Variants in IP6K1 observed in about 807,000 individuals in gnomAD.
IP6K1 encodes inositol hexakisphosphate kinase 1, also known as ATP:1D-myo-inositol-hexakisphosphate phosphotransferase.
Under a neutral mutation model 38.3 loss-of-function variants are expected in IP6K1, and 13 were observed. That is an observed-to-expected ratio of 0.34 (90% CI 0.22 to 0.54). IP6K1 has a LOEUF of 0.54. IP6K1 is among the 20% of genes least tolerant of loss of function. IP6K1 has a pLI of 0.92. For missense variants in IP6K1, 397 were observed against 599.8 expected (o/e 0.66, Z 3.53); for synonymous variants, 212 against 229.9 (o/e 0.92, Z 0.70).
chr3:49,744,718 T>C (rs147870906), intron 2 of IP6K1, among the ~76,000 whole-genome samples: 80 of 152,306 alleles, frequency 5.3e-4, no homozygotes, highest in Non-Finnish European at 9.8e-4. Context: ...ACTCAGGATT[T>C]GGTTACTAGA....
Position 49,748,077 on chromosome 3 carries a change from T to A in IP6K1, c.-37A>T, listed in dbSNP as rs765794820. ...CCAGTTGCACACTGAGGGCAGAGGA[T>A]GCAGCACATGGGCCACAAAAGGAGA... is the stretch of plus-strand genomic sequence containing the variant. On this transcript the variant is annotated 5_prime_UTR_variant, in exon 2 of 6. Transcript: ENST00000321599. The A allele has an allele frequency of 1.2e-6, 2 of 1,610,304 alleles. No individual in the cohort carries two copies. The highest frequency in any genetic ancestry group is 1.7e-6 in the Non-Finnish European group (2 of 1,178,384).
At chr3:49,747,769 G>A (rs984015117) in intron 2 of IP6K1, 49 bp downstream of exon 2, 3 of 1,609,862 alleles carry the variant, frequency 1.9e-6, no homozygotes, top group South Asian at 1.1e-5. Flanking sequence ...GTGGCAAGGG[G>A]TCTATAAGCC....
At chr3:49,741,879 A>G (rs2080671658) in intron 2 of IP6K1, among the ~76,000 whole-genome samples, 2 of 152,216 alleles carry the variant, frequency 1.3e-5, no homozygotes, top group Admixed American at 6.5e-5. Context: ...TAGAACTTCA[A>G]GGTGCCTCCC....
chr3:49,742,474 G>C (rs577468786), intron 2 of IP6K1, among the ~76,000 whole-genome samples: 4 of 151,512 alleles, frequency 2.6e-5, no homozygotes, highest in Non-Finnish European at 5.9e-5. Flanking sequence ...GCGTGAGCCC[G>C]GGAGGCAGAG....
chr3:49,741,681 C>T lies in IP6K1; in HGVS notation c.224-3259G>A, dbSNP rs567058661. Among the ~76,000 whole-genome samples, 7 of 152,322 alleles carry T rather than the reference C, an allele frequency of 4.6e-5. No homozygotes were observed. In the South Asian group the frequency reaches 1.4e-3, roughly 32 times the overall value. On this transcript the variant is annotated intron_variant, in intron 2 of 5. Coordinates refer to ENST00000321599, the MANE Select transcript of IP6K1 (RefSeq NM_153273.4). ...ATGTAGCTTCAGCCACCTATCCATCCACATTCAAAACACTGAAGGCCAAAC... is the reference window on the plus strand; with the variant it reads ...ATGTAGCTTCAGCCACCTATCCATCTACATTCAAAACACTGAAGGCCAAAC...
rs541183523 is a variant in IP6K1, at chr3:49,747,166, A to G, written c.223+652T>C. Among the ~76,000 whole-genome samples the G allele has an allele frequency of 6.6e-5, 10 of 152,348 alleles. No individual in the cohort carries two copies. The South Asian group carries it at 2.1e-3, about 32-fold the overall frequency. On this transcript the variant is annotated intron_variant, in intron 2 of 5. Transcript: ENST00000321599. Reference sequence around the variant, plus strand: ...ACAGTGTTAACCTGACTGAAATCATACAACTTAAAGTTATAAAGCAGAATG... The same window carrying G: ...ACAGTGTTAACCTGACTGAAATCATGCAACTTAAAGTTATAAAGCAGAATG...
At chr3:49,785,096 G>A (rs541261434) in intron 1 of IP6K1, among the ~76,000 whole-genome samples, 1 of 152,156 alleles carries the variant, frequency 6.6e-6, no homozygotes, top group Non-Finnish European at 1.5e-5. Flanking sequence ...ATGTGTTTTG[G>A]AGCAATGAGA....
rs187736837 is a variant in IP6K1, at chr3:49,780,823, T to C, written c.-129+5531A>G. Among the ~76,000 whole-genome samples the C allele has an allele frequency of 1.2e-3, 179 of 152,280 alleles. 1 individual carries two copies. The highest frequency in any genetic ancestry group is 1.8e-3 in the Non-Finnish European group (120 of 68,020). ...CACTAGAGTTAACATATGCAAGCAC[T>C]TCAAGGCAAGGCAGGGTGGAGGCAG... On this transcript the variant is annotated intron_variant, in intron 1 of 5. Transcript: ENST00000321599.
rs1216037255 is a variant in IP6K1 at position 49,725,955 on chromosome 3, GAAGGA to G, written c.*1162_*1166del. The G allele has an allele frequency of 3.3e-5, 5 of 152,346 alleles. No individual in the cohort carries two copies. Among genetic ancestry groups the G allele is most frequent in the African/African-American group, 1.2e-4 (5 of 41,572 alleles). 9.4% of individuals were successfully genotyped at this position (152,346 alleles called of 1,614,324 possible). A position where few individuals can be genotyped will look rare whatever the true frequency, so the allele number is the denominator to read the frequency against. Reference sequence around the variant, plus strand: ...GGAAGTGTTCTGCTGAGGAAAGCATGAAGGAATGAGTATATACTAATGAACAAGGC... The same window carrying G: ...GGAAGTGTTCTGCTGAGGAAAGCATGATGAGTATATACTAATGAACAAGGC... On this transcript the variant is annotated 3_prime_UTR_variant, in exon 6 of 6. Transcript: ENST00000321599.
intron 1 of IP6K1, among the ~76,000 whole-genome samples, chr3:49,768,329 TAC>T (rs1422044019): frequency 2.6e-5 from 4 of 152,210 alleles, no homozygotes; most frequent in African/African-American, 9.6e-5. Context: ...ATGCGGTATA[TAC>T]ATACAGTGAA....
chr3:49,755,096 C>CTTTTT (rs559780072), intron 1 of IP6K1, among the ~76,000 whole-genome samples: 43 of 111,950 alleles, frequency 3.8e-4, no homozygotes, highest in Middle Eastern at 5.5e-3. Context: ...CCAAGCCTGG[C>CTTTTT]TTTTTTTTTT....
chr3:49,757,200 G>A (rs139321140), intron 1 of IP6K1, among the ~76,000 whole-genome samples: 1 of 152,268 alleles, frequency 6.6e-6, no homozygotes, highest in East Asian at 1.9e-4. Context: ...ACAACTGAAA[G>A]ATAGATGCAA....
At chr3:49,737,566 A>T (rs2080623639) in intron 3 of IP6K1, among the ~76,000 whole-genome samples, 2 of 152,140 alleles carry the variant, frequency 1.3e-5, no homozygotes, top group South Asian at 4.1e-4. Flanking sequence ...CACGCCTGTA[A>T]TCCCAGCTAC....
At chr3:49,782,455 C>T (rs2081073657) in intron 1 of IP6K1, among the ~76,000 whole-genome samples, 1 of 152,074 alleles carries the variant, frequency 6.6e-6, no homozygotes, top group African/African-American at 2.4e-5. Context: ...AGGCTTGAGC[C>T]ACCGCGCCCG....
At chr3:49,778,462 G>A (rs780609101) in intron 1 of IP6K1, among the ~76,000 whole-genome samples, 27 of 151,750 alleles carry the variant, frequency 1.8e-4, no homozygotes, top group Non-Finnish European at 2.6e-4. Context: ...GTGAAACTTC[G>A]TCTCTACTAA....
rs926552099 is a variant in IP6K1, at chr3:49,785,915, G to A, written c.-129+439C>T. The A allele has an allele frequency of 5.3e-5, 8 of 152,258 alleles. No individual in the cohort carries two copies. The East Asian group carries it at 1.3e-3, about 26-fold the overall frequency. The allele number at this position is 152,258 out of a possible 1,614,324, so 9.4% of individuals were successfully genotyped here. A position where few individuals can be genotyped will look rare whatever the true frequency, so the allele number is the denominator to read the frequency against. On this transcript the variant is annotated intron_variant, in intron 1 of 5. Transcript: ENST00000321599. The stretch of plus-strand genomic sequence containing the variant: ...TGACACCGGCCTGCCTGGCTCGCGG[G>A]GGCTTTGGCTTGCTTCGTCTAGTCT...
chr3:49,727,537 C>T lies in IP6K1; in HGVS notation c.911G>A (p.Arg304Gln). The T allele has an allele frequency of 1.2e-6, 2 of 1,614,178 alleles. No homozygotes were observed. Among genetic ancestry groups the T allele is most frequent in the Non-Finnish European group, 1.7e-6 (2 of 1,180,030 alleles). ...CAGGATAGGCTCAAACAGGTCACGT[C>T]GCAGGTCCAGGCCATTGTGCAGATA... ...YQYLHNGLDL[R>Q]RDLFEPILSK... The change falls in exon 6 of 6, where the codon CGA (arginine) becomes CAA (glutamine). Residue 304 changes from arginine to glutamine, a missense_variant. Physicochemically the swap from Arg to Gln is conservative, Grantham distance 43. This residue lies in a region of IP6K1 where 164 missense variants were observed against 213.5 expected (regional missense o/e 0.77). Transcript: ENST00000321599. The surrounding 1 kb of genome is among the most constrained non-coding windows in gnomAD (Gnocchi z 5.9).
intron 2 of IP6K1, among the ~76,000 whole-genome samples, chr3:49,741,409 T>A (rs1482743681): frequency 6.6e-6 from 1 of 152,230 alleles, no homozygotes; most frequent in East Asian, 1.9e-4. Context: ...GATTTGCATT[T>A]CTTAATGACT....
At position 49,732,810 on chromosome 3, in the gene IP6K1, G is replaced by T. The variant is rs772662849; in HGVS notation, c.597C>A (p.Ser199=). The T allele has an allele frequency of 9.9e-6, 16 of 1,613,490 alleles. No homozygotes were observed. The South Asian group carries it at 1.3e-4, about 13-fold the overall frequency. The change falls in exon 4 of 6, where the codon TCC becomes TCA. Residue 199 remains serine (S), a synonymous_variant. Transcript: ENST00000321599. The stretch of plus-strand genomic sequence containing the variant: ...GGATACTGTAGAGCTTTCGGTCCTT[G>T]GACTCGGAGCGCATGCGGCTCAGCT... The part of the protein sequence containing the change: ...KQQLSRMRSE[S]KDRKLYKFLL...
Sources: gnomAD v4.1 joint callset for allele counts (sites outside exome capture counted in the v4.1 genomes callset) on GRCh38, gnomAD v4.1.1 for gene constraint, gnomAD v4.1.1 regional missense constraint, Gnocchi (gnomAD v3.1) non-coding constraint, MANE v1.5 for transcripts, NCBI Gene and HGNC (gene_info 2026-07-23, HGNC 2026-07-21) for gene names.